Variants in VIT observed in about 807,000 individuals in gnomAD.
VIT encodes vitrin.
VIT carries 99 observed loss-of-function variants against 78.0 expected under a neutral mutation model. The observed-to-expected ratio is 1.27, with a 90% CI of 1.08 to 1.50. The LOEUF (loss-of-function observed/expected upper bound fraction) is 1.50. VIT is among the 40% of genes most tolerant of loss of function. The pLI is 0.00. For missense variants in VIT, 1,126 were observed against 875.3 expected (o/e 1.29, Z -3.61); for synonymous variants, 374 against 334.3 (o/e 1.12, Z -1.29).
At chr2:36,702,012 A>T (rs1421503792) in intron 1 of VIT, among the ~76,000 whole-genome samples, 3 of 152,202 alleles carry the variant, frequency 2.0e-5, no homozygotes, top group Non-Finnish European at 4.4e-5. Context: ...CCTGGTGGTG[A>T]TAATGGGCTG....
intron 7 of VIT, among the ~76,000 whole-genome samples, chr2:36,768,508 G>A (rs776222811): frequency 2.0e-4 from 30 of 152,320 alleles, no homozygotes; most frequent in Admixed American, 1.4e-3. Context: ...ACAAATATTA[G>A]CCTATTGAAT....
At chr2:36,794,759 T>C (rs952379993) in intron 12 of VIT, among the ~76,000 whole-genome samples, 1 of 152,200 alleles carries the variant, frequency 6.6e-6, no homozygotes, top group Non-Finnish European at 1.5e-5. Context: ...GGTCCTCTGA[T>C]CCAACCTTTC....
chr2:36,780,631 C>A (rs1664683153), intron 9 of VIT, among the ~76,000 whole-genome samples: 1 of 152,168 alleles, frequency 6.6e-6, no homozygotes, highest in Admixed American at 6.5e-5. Context: ...CACCATTAAA[C>A]CAGAATGTGC....
chr2:36,812,026 C>G (rs1667209769), intron 15 of VIT, among the ~76,000 whole-genome samples: 1 of 152,136 alleles, frequency 6.6e-6, no homozygotes, highest in African/African-American at 2.4e-5. Flanking sequence ...AGGGCAACCT[C>G]TCCATCTTTG....
intron 5 of VIT, 49 bp downstream of exon 5, chr2:36,755,103 A>G: frequency 3.2e-6 from 5 of 1,579,920 alleles, no homozygotes; most frequent in Non-Finnish European, 4.3e-6. Flanking sequence ...ACAAGATGAA[A>G]TGTGCTCTTT....
intron 2 of VIT, among the ~76,000 whole-genome samples, chr2:36,725,882 G>C (rs1303496175): frequency 6.6e-6 from 1 of 152,032 alleles, no homozygotes; most frequent in Non-Finnish European, 1.5e-5. Flanking sequence ...GACCAGCCTG[G>C]CCAACATGGT....
intron 13 of VIT, among the ~76,000 whole-genome samples, 175 bp downstream of exon 13, chr2:36,801,579 T>C (rs900104228): frequency 3.3e-5 from 5 of 152,138 alleles, no homozygotes; most frequent in Admixed American, 2.6e-4. Context: ...AGGCTGAAGC[T>C]AGCAGATCAC....
chr2:36,804,111 A>G (rs561288666), intron 13 of VIT, among the ~76,000 whole-genome samples: 1 of 152,314 alleles, frequency 6.6e-6, no homozygotes, highest in African/African-American at 2.4e-5. Context: ...TCAGTGTGAA[A>G]TATGCACTTG....
At chr2:36,799,656 G>A (rs1666170425) in intron 12 of VIT, among the ~76,000 whole-genome samples, 1 of 151,458 alleles carries the variant, frequency 6.6e-6, no homozygotes. Flanking sequence ...AGTTGAGGCT[G>A]CAGTGAGCCA....
chr2:36,732,477 G>C (rs1667269034), intron 3 of VIT, among the ~76,000 whole-genome samples: 1 of 152,192 alleles, frequency 6.6e-6, no homozygotes, highest in Admixed American at 6.5e-5. Flanking sequence ...TCTGATTCTT[G>C]ATCTCCAGAG....
intron 3 of VIT, among the ~76,000 whole-genome samples, chr2:36,739,574 C>G (rs1450357451): frequency 1.3e-5 from 2 of 152,024 alleles, no homozygotes; most frequent in African/African-American, 4.8e-5. Flanking sequence ...AAAGGTAATC[C>G]TACAGTTCGA....
intron 3 of VIT, among the ~76,000 whole-genome samples, chr2:36,732,243 G>C (rs184141268): frequency 2.7e-4 from 41 of 152,332 alleles, no homozygotes; most frequent in African/African-American, 9.1e-4. Flanking sequence ...ATGAAAGTCT[G>C]TGCTAAATGA....
chr2:36,702,340 C>T (rs1665116319), intron 1 of VIT, among the ~76,000 whole-genome samples: 1 of 152,122 alleles, frequency 6.6e-6, no homozygotes, highest in Admixed American at 6.5e-5. Context: ...CTACCGCTCA[C>T]TCACACACTA....
At chr2:36,781,253 AGTGTGGAT>A (rs1451850238) in intron 9 of VIT, among the ~76,000 whole-genome samples, 5 of 152,226 alleles carry the variant, frequency 3.3e-5, no homozygotes, top group African/African-American at 1.2e-4. Flanking sequence ...GTGCTTAATA[AGTGTGGAT>A]GTATGGATAG....
chr2:36,753,772 A>G (rs1037567947), intron 4 of VIT, among the ~76,000 whole-genome samples: 1 of 152,198 alleles, frequency 6.6e-6, no homozygotes, highest in African/African-American at 2.4e-5. Flanking sequence ...ACTCAATCAC[A>G]GGGAGCCCGG....
chr2:36,808,630 C>A lies in VIT; in HGVS notation c.1548C>A (p.Asp516Glu), dbSNP rs148130817. 3.1e-6 allele frequency: 5 copies of A among 1,614,238 alleles called. No individual in the cohort carries two copies. The highest frequency in any genetic ancestry group is 4.2e-6 in the Non-Finnish European group (5 of 1,180,042). ...LNSADIGFVI[D>E]GSSSVGTGNF... ...CGGCTGACATTGGCTTCGTCATCGA[C>A]GGCTCCAGCAGTGTGGGGACGGGCA... is the stretch of plus-strand genomic sequence containing the variant. Residue 516 changes from aspartate to glutamate, a missense_variant, in exon 15 of 16, where the codon GAC (aspartate) becomes GAA (glutamate). Asp to Glu is a conservative substitution (Grantham distance 45, BLOSUM62 2). Coordinates refer to ENST00000379242, the MANE Select transcript of VIT (RefSeq NM_053276.4).
At chr2:36,751,664 G>A (rs1169573479) in intron 4 of VIT, among the ~76,000 whole-genome samples, 1 of 152,152 alleles carries the variant, frequency 6.6e-6, no homozygotes, top group African/African-American at 2.4e-5. Flanking sequence ...TTTTGGGTTA[G>A]AGTGTAGGAA....
intron 1 of VIT, among the ~76,000 whole-genome samples, chr2:36,709,482 G>T (rs1665667808): frequency 6.6e-6 from 1 of 152,196 alleles, no homozygotes; most frequent in Admixed American, 6.5e-5. Flanking sequence ...GTCTCCCGCA[G>T]GAAGACTCAA....
chr2:36,714,732 A>T (rs1666017143), intron 1 of VIT, among the ~76,000 whole-genome samples: 1 of 152,146 alleles, frequency 6.6e-6, no homozygotes, highest in Admixed American at 6.5e-5. Flanking sequence ...CCTCCATTCC[A>T]ATCCTATTCA....
Sources: gnomAD v4.1 joint callset for allele counts (sites outside exome capture counted in the v4.1 genomes callset) on GRCh38, gnomAD v4.1.1 for gene constraint, MANE v1.5 for transcripts, NCBI Gene and HGNC (gene_info 2026-07-23, HGNC 2026-07-21) for gene names.